SKP1: variants seen among roughly 807,000 people sequenced by gnomAD.
SKP1 encodes the protein S-phase kinase-associated protein 1.
In SKP1, 1 loss-of-function variant was observed where a neutral mutation model predicts 21.5. The ratio of observed to expected loss-of-function variants is 0.05; its 90% CI spans 0.02 to 0.22. SKP1 has a LOEUF of 0.22. SKP1 is among the 10% of genes least tolerant of loss of function. The pLI is 1.00. For synonymous variants in SKP1, 59 were observed against 59.3 expected, an observed-to-expected ratio of 0.99 and a Z score of 0.03; for missense variants, 70 against 192.0, an observed-to-expected ratio of 0.36 and a Z score of 3.76.
intron 3 of SKP1, among the ~76,000 whole-genome samples, chr5:134,164,036 T>C (rs1761277785): frequency 6.6e-6 from 1 of 152,080 alleles, no homozygotes; most frequent in Admixed American, 6.6e-5. Context: ...AAAGATTATC[T>C]TCGGCCAGGG....
chr5:134,158,259 G>A (rs747801774), intron 5 of SKP1, 196 bp downstream of exon 5: 105 of 1,461,990 alleles, frequency 7.2e-5, no homozygotes, highest in Non-Finnish European at 9.2e-5. Context: ...TTGTTCTTAT[G>A]CTTAAAATGC....
intron 2 of SKP1, chr5:134,173,454 GCAC>G (rs1761483973): frequency 3.4e-6 from 1 of 292,838 alleles, no homozygotes; most frequent in Non-Finnish European, 6.7e-6. Flanking sequence ...CTGCATCACT[GCAC>G]TCCAGCCTGG....
chr5:134,172,699 A>G (rs764558415), intron 2 of SKP1, among the ~76,000 whole-genome samples: 28 of 152,096 alleles, frequency 1.8e-4, no homozygotes, highest in Non-Finnish European at 4.0e-4. Context: ...CCAGGGTAAC[A>G]TAGGGAGATC....
At chr5:134,158,389 G>T in intron 5 of SKP1, 66 bp downstream of exon 5, 1 of 1,611,952 alleles carries the variant, frequency 6.2e-7, no homozygotes. Context: ...TCTTTTGCTG[G>T]CATGTTATAG....
At chr5:134,161,722 A>G (rs1761224046) in intron 3 of SKP1, 1 of 152,280 alleles carries the variant, frequency 6.6e-6, no homozygotes, top group Non-Finnish European at 1.5e-5. Flanking sequence ...ATATGTACAT[A>G]TATTGTAACC....
chr5:134,174,193 C>T (rs1430877057), intron 1 of SKP1, among the ~76,000 whole-genome samples, 171 bp from the exon 2 acceptor site: 1 of 152,274 alleles, frequency 6.6e-6, no homozygotes, highest in South Asian at 2.1e-4. Context: ...AGTTAGTCTC[C>T]GAGTATTTCT....
chr5:134,164,100 CA>C (rs1464232915), intron 3 of SKP1, among the ~76,000 whole-genome samples: 12 of 152,042 alleles, frequency 7.9e-5, no homozygotes, highest in South Asian at 6.2e-4. Context: ...GCAGGCGGAT[CA>C]CCTGAGGTCC....
chr5:134,166,000 C>T (rs532576158), intron 3 of SKP1, among the ~76,000 whole-genome samples: 1 of 151,904 alleles, frequency 6.6e-6, no homozygotes, highest in South Asian at 2.1e-4. Flanking sequence ...GGAGACCAGC[C>T]TGGCCAACAT....
Position 134,156,474 on chromosome 5 carries a change from A to C in SKP1, c.*1259T>G, listed in dbSNP as rs940752610. The C allele has an allele frequency of 1.3e-5, 2 of 152,208 alleles. No homozygotes were observed. The highest frequency in any genetic ancestry group is 2.9e-5 in the Non-Finnish European group (2 of 68,038). The allele number at this position is 152,208 out of a possible 1,614,324, so 9.4% of individuals were successfully genotyped here. On this transcript the variant is annotated 3_prime_UTR_variant, in exon 6 of 6. Transcript: ENST00000353411. ...GTGAGATGAAGGCAAACTACTGTCA[A>C]GGGATGATCTGAGCCTGAACAACTC... is the stretch of plus-strand genomic sequence containing the variant.
intron 3 of SKP1, chr5:134,161,408 G>A (rs1761216102): frequency 7.3e-6 from 2 of 275,674 alleles, no homozygotes; most frequent in East Asian, 6.3e-5. Context: ...ACAATGACTG[G>A]AAGATACCTG....
intron 2 of SKP1, among the ~76,000 whole-genome samples, chr5:134,172,886 C>T (rs1043992277): frequency 2.0e-5 from 3 of 151,924 alleles, no homozygotes; most frequent in Non-Finnish European, 2.9e-5. Context: ...GTGGCATGCA[C>T]CTGTAATCCC....
At chr5:134,175,336 CAT>C in intron 1 of SKP1, 1 of 152,378 alleles carries the variant, frequency 6.6e-6, no homozygotes, top group Admixed American at 6.5e-5. Flanking sequence ...GATTCACAAA[CAT>C]GTCTGCTTCT....
In SKP1 at chr5:134,159,523, G is replaced by A. The variant is rs189301820; in HGVS notation, c.316-928C>T. Among the ~76,000 whole-genome samples the A allele has an allele frequency of 7.3e-5, 11 of 151,556 alleles. 1 individual carries two copies. Among genetic ancestry groups the A allele is most frequent in the African/African-American group, 2.4e-4 (10 of 41,256 alleles). Reference sequence around the variant, plus strand: ...AGTCTCCCAAGTAGCTGGGATTACAGGTGGGTGCCATCTCACCCAGCTAAT... The same window carrying A: ...AGTCTCCCAAGTAGCTGGGATTACAAGTGGGTGCCATCTCACCCAGCTAAT... On this transcript the variant is annotated intron_variant, in intron 4 of 5. Transcript: ENST00000353411.
At position 134,171,292 on chromosome 5, in the gene SKP1, A is replaced by C. The variant is rs562737123; in HGVS notation, c.97+2634T>G. 3.3e-5 allele frequency among the ~76,000 whole-genome samples: 5 copies of C among 152,318 alleles called. No homozygotes were observed. In the East Asian group the frequency reaches 9.6e-4, roughly 29 times the overall value. The stretch of plus-strand genomic sequence containing the variant: ...TATTAACTATGAAATCCTAAGGACC[A>C]GTCTACAGTATATAAATCTGGCAAT... On this transcript the variant is annotated intron_variant, in intron 2 of 5. Transcript: ENST00000353411.
rs1761007459 is a variant in SKP1, at chr5:134,149,525, T to C, written c.*8208A>G. 2.0e-5 allele frequency: 3 copies of C among 152,004 alleles called. No homozygotes were observed. In the Admixed American group the frequency reaches 2.0e-4, roughly 10 times the overall value. The allele number at this position is 152,004 out of a possible 1,614,324, so 9.4% of individuals were successfully genotyped here. A position where few individuals can be genotyped will look rare whatever the true frequency, so the allele number is the denominator to read the frequency against. On this transcript the variant is annotated 3_prime_UTR_variant, in exon 6 of 6. Coordinates refer to ENST00000353411, the MANE Select transcript of SKP1 (RefSeq NM_170679.3). Reference sequence around the variant, plus strand: ...CCACTGAGTTCTATTTTTTGGATTTTGTGTTTAAAGTATAAAGTCATTTTC... The same window carrying C: ...CCACTGAGTTCTATTTTTTGGATTTCGTGTTTAAAGTATAAAGTCATTTTC...
chr5:134,171,324 A>G (rs1397077447), intron 2 of SKP1, among the ~76,000 whole-genome samples: 2 of 152,182 alleles, frequency 1.3e-5, no homozygotes, highest in African/African-American at 2.4e-5. Context: ...CAATCACTCT[A>G]GTCACCTAGA....
rs768201886 is a variant in SKP1 at position 134,156,677 on chromosome 5, T to C, written c.*1056A>G. Reference sequence around the variant, plus strand: ...AGCTGGAAACAATGGCAGAGTAATTTTGTGTTAAGAATTAAAGTACTAGCT... The same window carrying C: ...AGCTGGAAACAATGGCAGAGTAATTCTGTGTTAAGAATTAAAGTACTAGCT... On this transcript the variant is annotated 3_prime_UTR_variant, in exon 6 of 6. Transcript: ENST00000353411. The C allele has an allele frequency of 1.3e-5, 2 of 152,218 alleles. No homozygotes were observed. Among genetic ancestry groups the C allele is most frequent in the Non-Finnish European group, 2.9e-5 (2 of 68,040 alleles). The allele number at this position is 152,218 out of a possible 1,614,324, so 9.4% of individuals were successfully genotyped here.
chr5:134,168,686 T>C (rs1761381154), intron 2 of SKP1, among the ~76,000 whole-genome samples: 1 of 152,028 alleles, frequency 6.6e-6, no homozygotes. Flanking sequence ...CTGTCTGCAT[T>C]TTGAAGGTAC....
At chr5:134,168,034 T>C (rs1427688855) in intron 2 of SKP1, among the ~76,000 whole-genome samples, 2 of 152,230 alleles carry the variant, frequency 1.3e-5, no homozygotes, top group African/African-American at 4.8e-5. Flanking sequence ...ACAGCTCTCT[T>C]AGGAGCATTT....
Sources: gnomAD v4.1 joint callset for allele counts (sites outside exome capture counted in the v4.1 genomes callset) on GRCh38, gnomAD v4.1.1 for gene constraint, MANE v1.5 for transcripts, NCBI Gene and HGNC (gene_info 2026-07-23, HGNC 2026-07-21) for gene names.